Variants in RGPD1 observed in about 807,000 individuals in gnomAD.
RGPD1 encodes the protein RANBP2-like and GRIP domain-containing protein 1.
Under a neutral mutation model 40.6 loss-of-function variants are expected in RGPD1, and 7 were observed. That is an observed-to-expected ratio of 0.17 (90% CI 0.10 to 0.32). The LOEUF is 0.32. RGPD1 is among the 10% of genes least tolerant of loss of function. The pLI is 1.00. For missense variants in RGPD1, 50 were observed against 472.5 expected, an observed-to-expected ratio of 0.11 and a Z score of 8.29; for synonymous variants, 24 against 167.0, an observed-to-expected ratio of 0.14 and a Z score of 6.60.
At chr2:86,926,557 T>C (rs528057769) in intron 1 of RGPD1, among the ~76,000 whole-genome samples, 4 of 152,282 alleles carry the variant, frequency 2.6e-5, no homozygotes, top group South Asian at 4.1e-4. Flanking sequence ...CTTTCTGTCC[T>C]GTACTACAAG....
At chr2:86,933,365 A>G (rs1284125957) in intron 1 of RGPD1, among the ~76,000 whole-genome samples, 2 of 150,772 alleles carry the variant, frequency 1.3e-5, no homozygotes, top group East Asian at 1.9e-4. Flanking sequence ...AATTAAATAT[A>G]GTCTTTAGAA....
In RGPD1 at chr2:86,930,703, G is replaced by A. The variant is rs900314519; in HGVS notation, c.72+16782G>A. 946 of 1,585,014 alleles carry A rather than the reference G, an allele frequency of 6.0e-4. 1 individual carries two copies. Among genetic ancestry groups the A allele is most frequent in the South Asian group, 7.8e-4 (69 of 88,616 alleles). ...TCTCGAAGCTGCTGTTGCGGCGCCCGAAGTGCCCCCCAGGCCTCCTCGCTG... is the reference window on the plus strand; with the variant it reads ...TCTCGAAGCTGCTGTTGCGGCGCCCAAAGTGCCCCCCAGGCCTCCTCGCTG... On this transcript the variant is annotated intron_variant, in intron 1 of 22. Transcript: ENST00000398193.
At chr2:86,914,543 GGGCGGC>G (rs1322747428) in intron 1 of RGPD1, among the ~76,000 whole-genome samples, 1 of 20,014 alleles carries the variant, frequency 5.0e-5, no homozygotes, top group Non-Finnish European at 1.1e-4. Context: ...CGGCCTGGCC[GGGCGGC>G]GGCGGCGGCG....
At position 86,986,446 on chromosome 2, in the gene RGPD1, C is replaced by G; in HGVS notation, c.3547C>G (p.Leu1183Val). The change falls in exon 20 of 23, where the codon CTA becomes GTA. Residue 1183 changes from leucine to valine, a missense_variant. Transcript: ENST00000641458. ...TGTAGATACTGGCAGAGCTGCCAAG[C>G]TAATACAGAGAGCTGAAGAAATGAA... ...KLVDTGRAAK[L>V]IQRAEEMKSG... is the part of the protein sequence containing the mutation. 8 of 213,714 alleles carry G rather than the reference C, an allele frequency of 3.7e-5. No individual in the cohort carries two copies. The highest frequency in any genetic ancestry group is 2.1e-4 in the African/African-American group (1 of 4,862). The allele number at this position is 213,714 out of a possible 1,614,324, so 13.2% of individuals were successfully genotyped here.
At chr2:86,913,799 G>GC (rs1251167785), upstream of RGPD1, 1 of 1,499,078 alleles carries the variant, frequency 6.7e-7, no homozygotes, top group African/African-American at 1.4e-5. Flanking sequence ...GGCGACTGCT[G>GC]CGGGGCTGAG....
intron 1 of RGPD1, among the ~76,000 whole-genome samples, chr2:86,936,307 CAATAA>C (rs1171812566): frequency 1.5e-5 from 1 of 68,672 alleles, no homozygotes; most frequent in African/African-American, 4.8e-5. Context: ...CACCAGGCCT[CAATAA>C]AATATTTTAT....
upstream of RGPD1, among the ~76,000 whole-genome samples, chr2:86,942,048 G>C (rs970886357): frequency 1.3e-5 from 2 of 151,522 alleles, no homozygotes; most frequent in African/African-American, 2.4e-5. Flanking sequence ...GCTGCCAAGA[G>C]CCCGGCCGAG....
Position 86,928,758 on chromosome 2 carries a change from C to T in RGPD1, c.72+14837C>T, listed in dbSNP as rs575459190. ...GACAGGCACCATTCATGAGGTATTTCTTAGCATTGATAGAGTTGGATATAA... is the reference window on the plus strand; with the variant it reads ...GACAGGCACCATTCATGAGGTATTTTTTAGCATTGATAGAGTTGGATATAA... On this transcript the variant is annotated intron_variant, in intron 1 of 22. Coordinates refer to the RGPD1 transcript ENST00000398193. Among the ~76,000 whole-genome samples the T allele has an allele frequency of 6.0e-4, 92 of 152,308 alleles. 1 individual carries two copies. In the East Asian group the frequency reaches 0.015, roughly 26 times the overall value.
intron 1 of RGPD1, among the ~76,000 whole-genome samples, chr2:86,944,091 A>G (rs984142342): frequency 2.0e-5 from 3 of 152,182 alleles, no homozygotes; most frequent in African/African-American, 7.2e-5. Flanking sequence ...GTCTCTTATC[A>G]TAACTAAGCA....
chr2:86,942,709 C>G (rs1296846013), intron 1 of RGPD1, among the ~76,000 whole-genome samples: 1 of 147,472 alleles, frequency 6.8e-6, no homozygotes, highest in African/African-American at 2.5e-5. Context: ...TCGACGTGGC[C>G]CGGCGGCGGC....
upstream of RGPD1, among the ~76,000 whole-genome samples, chr2:86,938,694 C>G (rs1356697495): frequency 6.7e-6 from 1 of 148,860 alleles, no homozygotes; most frequent in Non-Finnish European, 1.5e-5. Flanking sequence ...TTTTGATGGC[C>G]TTTTGTTACA....
intron 1 of RGPD1, among the ~76,000 whole-genome samples, chr2:86,924,747 C>G (rs115114275): frequency 0.034 from 5,109 of 151,800 alleles, 24 homozygotes; most frequent in African/African-American, 0.12. Context: ...GCTGCGATTA[C>G]AGGCATGAAT....
chr2:86,933,395 ATAAT>A (rs1679118897), intron 1 of RGPD1, among the ~76,000 whole-genome samples: 2 of 150,118 alleles, frequency 1.3e-5, no homozygotes, highest in Non-Finnish European at 3.0e-5. Context: ...TTTAGTATAA[ATAAT>A]ACTGGTATGA....
At chr2:86,932,009 T>C (rs1319366390) in intron 1 of RGPD1, among the ~76,000 whole-genome samples, 3 of 148,604 alleles carry the variant, frequency 2.0e-5, no homozygotes, top group East Asian at 1.9e-4. Flanking sequence ...GTCTATAACA[T>C]ATAGACAGAG....
chr2:86,930,157 G>A (rs1678821017), intron 1 of RGPD1: 1 of 1,455,214 alleles, frequency 6.9e-7, no homozygotes, highest in Non-Finnish European at 9.4e-7. Flanking sequence ...GGGGGCAGGG[G>A]TCACCCCTGC....
intron 1 of RGPD1, among the ~76,000 whole-genome samples, chr2:86,944,149 C>T (rs1680152938): frequency 6.6e-6 from 1 of 152,086 alleles, no homozygotes; most frequent in African/African-American, 2.4e-5. Flanking sequence ...ATATTGAGAC[C>T]TGTAGAGATT....
At chr2:86,926,365 A>AT (rs1678504268) in intron 1 of RGPD1, among the ~76,000 whole-genome samples, 1 of 151,428 alleles carries the variant, frequency 6.6e-6, no homozygotes, top group African/African-American at 2.4e-5. Context: ...AATCTTCTGA[A>AT]ATATACAAAT....
chr2:86,945,615 T>C (rs1680293302), intron 1 of RGPD1, among the ~76,000 whole-genome samples: 1 of 152,196 alleles, frequency 6.6e-6, no homozygotes, highest in Non-Finnish European at 1.5e-5. Context: ...CTCCCTCACA[T>C]GTGCTTTTGC....
chr2:86,924,180 G>T (rs541197869), intron 1 of RGPD1, among the ~76,000 whole-genome samples: 1 of 149,322 alleles, frequency 6.7e-6, no homozygotes. Context: ...GAGGGGGACA[G>T]AGTCTTGCTG....
Sources: allele counts gnomAD v4.1 joint callset (sites outside exome capture counted in the v4.1 genomes callset), GRCh38; gene constraint gnomAD v4.1.1; transcripts MANE v1.5; gene names NCBI Gene and HGNC (gene_info 2026-07-23, HGNC 2026-07-21).